Variants in OMA1 observed in about 807,000 individuals in gnomAD.
The protein encoded by OMA1 is OMA1 zinc metallopeptidase.
A neutral mutation model predicts 30.9 loss-of-function variants in OMA1; 38 were observed. The ratio of observed to expected loss-of-function variants is 1.23; its 90% CI spans 0.95 to 1.61. The LOEUF is 1.61. Ranked by LOEUF, OMA1 falls within the 40% of genes most tolerant of loss-of-function variation. OMA1 has a pLI of 0.00. For missense variants in OMA1, 461 were observed against 349.2 expected (o/e 1.32, Z -2.55); for synonymous variants, 173 against 121.9 (o/e 1.42, Z -2.76).
rs1645913576 is a variant in OMA1, at chr1:58,501,933, C to CT, written c.1365+4126_1365+4127insA. Among the ~76,000 whole-genome samples the CT allele has an allele frequency of 3.3e-5, 5 of 152,024 alleles. No individual in the cohort carries two copies. In the South Asian group the frequency reaches 1.0e-3, roughly 32 times the overall value. ...CTGCCTCTCCCTCCTCACTGCCCCC[C>CT]ACTCCCGCCCCCAGCACCAAATTTA... is the stretch of plus-strand genomic sequence containing the variant. On this transcript the variant is annotated intron_variant, in intron 8 of 8. Transcript: ENST00000371226.
At chr1:58,535,520 T>C (rs963981347) in intron 3 of OMA1, among the ~76,000 whole-genome samples, 1 of 148,430 alleles carries the variant, frequency 6.7e-6, no homozygotes, top group Non-Finnish European at 1.5e-5. Context: ...AATTTGAACC[T>C]GTAAGGTGGA....
intron 8 of OMA1, among the ~76,000 whole-genome samples, chr1:58,490,457 T>G (rs1039450209): frequency 4.6e-5 from 7 of 152,164 alleles, no homozygotes; most frequent in African/African-American, 1.7e-4. Context: ...AGACCAAATC[T>G]ACATCTGATT....
chr1:58,489,809 G>A (rs973897590), intron 8 of OMA1, among the ~76,000 whole-genome samples: 6 of 152,166 alleles, frequency 3.9e-5, no homozygotes, highest in South Asian at 2.1e-4. Flanking sequence ...TGCAGCCTCC[G>A]CTGCTGATAT....
intron 7 of OMA1, among the ~76,000 whole-genome samples, chr1:58,519,699 G>T (rs113193565): frequency 2.0e-5 from 3 of 151,980 alleles, no homozygotes; most frequent in African/African-American, 7.2e-5. Flanking sequence ...AACAGAAACG[G>T]ACCCAGCTAT....
intron 1 of OMA1, among the ~76,000 whole-genome samples, chr1:58,543,768 C>T (rs1420165764): frequency 1.3e-5 from 2 of 152,166 alleles, no homozygotes; most frequent in Non-Finnish European, 2.9e-5. Context: ...ATAATAAATG[C>T]TACCTAAAAA....
At chr1:58,541,878 T>C (rs1403524353) in intron 1 of OMA1, among the ~76,000 whole-genome samples, 2 of 152,172 alleles carry the variant, frequency 1.3e-5, no homozygotes, top group African/African-American at 2.4e-5. Flanking sequence ...TCAGCAATCA[T>C]TGTATCTCAG....
At chr1:58,508,915 GTC>G (rs1646030953) in intron 7 of OMA1, among the ~76,000 whole-genome samples, 1 of 152,088 alleles carries the variant, frequency 6.6e-6, no homozygotes. Context: ...ACTGGCTTCT[GTC>G]TCATCTGTCT....
Position 58,485,228 on chromosome 1 carries a change from T to TAAAAAAAAAAA in OMA1, c.1366-4065_1366-4055dup, listed in dbSNP as rs71043289. Among the ~76,000 whole-genome samples the TAAAAAAAAAAA allele has an allele frequency of 2.0e-3, 84 of 42,054 alleles. 2 individuals are homozygous for TAAAAAAAAAAA. Among genetic ancestry groups the TAAAAAAAAAAA allele is most frequent in the Non-Finnish European group, 1.7e-3 (41 of 24,140 alleles). The allele number at this position is 42,054 out of a possible 152,430, so 27.6% of individuals were successfully genotyped here. A position where few individuals can be genotyped will look rare whatever the true frequency, so the allele number is the denominator to read the frequency against. The stretch of plus-strand genomic sequence containing the variant: ...GTCTAAAAATAAAAGAGTCTACTAC[T>TAAAAAAAAAAA]AAAAAAAAAAAAAAAAAAAAAAAAA... On this transcript the variant is annotated intron_variant, in intron 8 of 8. Coordinates refer to ENST00000371226, the MANE Select transcript of OMA1 (RefSeq NM_145243.5).
chr1:58,541,323 A>C (rs1450832401), intron 1 of OMA1, among the ~76,000 whole-genome samples: 8 of 137,462 alleles, frequency 5.8e-5, no homozygotes, highest in Non-Finnish European at 1.1e-4. Flanking sequence ...AAAAAAAAAA[A>C]AAAAAAAAAA....
At chr1:58,523,911 A>G (rs771547724) in intron 7 of OMA1, among the ~76,000 whole-genome samples, 1 of 152,146 alleles carries the variant, frequency 6.6e-6, no homozygotes, top group Non-Finnish European at 1.5e-5. Context: ...AAAAAGAAAA[A>G]AAGAACTGGC....
intron 7 of OMA1, among the ~76,000 whole-genome samples, chr1:58,512,074 A>T (rs1286627992): frequency 6.6e-6 from 1 of 152,178 alleles, no homozygotes; most frequent in Non-Finnish European, 1.5e-5. Context: ...AACCCAATTT[A>T]AAAAATAGGC....
chr1:58,492,664 G>A (rs1645718697), intron 8 of OMA1, among the ~76,000 whole-genome samples: 1 of 152,160 alleles, frequency 6.6e-6, no homozygotes, highest in African/African-American at 2.4e-5. Context: ...TAGAAAATCT[G>A]GAAGAAATGG....
chr1:58,493,218 C>A (rs1351041474), intron 8 of OMA1, among the ~76,000 whole-genome samples: 3 of 151,890 alleles, frequency 2.0e-5, no homozygotes, highest in African/African-American at 4.8e-5. Flanking sequence ...ATTCAACAGC[C>A]CTTCATGCTA....
chr1:58,500,604 T>A (rs1049230914), intron 8 of OMA1, among the ~76,000 whole-genome samples: 1 of 152,204 alleles, frequency 6.6e-6, no homozygotes, highest in African/African-American at 2.4e-5. Flanking sequence ...AAGATTTTTT[T>A]AAGTTTCTGA....
chr1:58,543,038 T>C (rs1646646226), intron 1 of OMA1, among the ~76,000 whole-genome samples: 1 of 151,626 alleles, frequency 6.6e-6, no homozygotes, highest in South Asian at 2.1e-4. Flanking sequence ...CTATTAAGTG[T>C]AGACAGAAGA....
At chr1:58,519,157 TAA>T (rs1646220671) in intron 7 of OMA1, among the ~76,000 whole-genome samples, 1 of 152,216 alleles carries the variant, frequency 6.6e-6, no homozygotes, top group South Asian at 2.1e-4. Context: ...AGAGAATTTT[TAA>T]AAGTCTCCAC....
intron 8 of OMA1, among the ~76,000 whole-genome samples, chr1:58,501,662 T>C (rs1354811293): frequency 6.6e-6 from 1 of 152,178 alleles, no homozygotes; most frequent in Non-Finnish European, 1.5e-5. Flanking sequence ...AATGAAACCT[T>C]CTTTGACTGC....
chr1:58,512,639 C>T (rs1646097548), intron 7 of OMA1, among the ~76,000 whole-genome samples: 1 of 152,102 alleles, frequency 6.6e-6, no homozygotes, highest in African/African-American at 2.4e-5. Context: ...TGAAATAAGC[C>T]AGTCACAAAT....
chr1:58,542,055 T>A (rs1646631874), intron 1 of OMA1, among the ~76,000 whole-genome samples: 1 of 152,236 alleles, frequency 6.6e-6, no homozygotes. Context: ...TCAAACCATT[T>A]GAAAATTACT....
Sources: allele counts gnomAD v4.1 joint callset (sites outside exome capture counted in the v4.1 genomes callset), GRCh38; gene constraint gnomAD v4.1.1; transcripts MANE v1.5; gene names NCBI Gene and HGNC (gene_info 2026-07-23, HGNC 2026-07-21).